Variants in NPHP4 observed in about 807,000 individuals in gnomAD.
NPHP4 encodes the protein nephrocystin-4.
Under a neutral mutation model 155.8 loss-of-function variants are expected in NPHP4, and 151 were observed. The observed-to-expected ratio is 0.97, with a 90% CI of 0.85 to 1.11. The LOEUF (loss-of-function observed/expected upper bound fraction) is 1.11, where lower values mean the gene tolerates loss of function less well. NPHP4 is among the 50% of genes least tolerant of loss of function. The pLI, the probability that NPHP4 is intolerant of heterozygous loss-of-function variation, is 0.00. For missense variants in NPHP4, 1,956 were observed against 1,925.7 expected (o/e 1.02, Z -0.29); for synonymous variants, 845 against 816.8 (o/e 1.03, Z -0.59).
intron 6 of NPHP4, among the ~76,000 whole-genome samples, chr1:5,954,000 T>C (rs977889852): frequency 4.6e-5 from 7 of 152,260 alleles, no homozygotes; most frequent in African/African-American, 1.7e-4. Context: ...TCCATGCTGA[T>C]GAAACTGCCG....
At chr1:5,936,708 C>G (rs576513247) in intron 9 of NPHP4, among the ~76,000 whole-genome samples, 1 of 152,236 alleles carries the variant, frequency 6.6e-6, no homozygotes, top group African/African-American at 2.4e-5. Flanking sequence ...GCATTTACCA[C>G]GCAAAGCCGC....
At position 5,969,049 on chromosome 1, in the gene NPHP4, G is replaced by A. The variant is rs149066772; in HGVS notation, c.452+38C>T. 2.9e-5 allele frequency: 39 copies of A among 1,333,748 alleles called. 1 individual carries two copies. In the Middle Eastern group the frequency reaches 8.0e-4, roughly 27 times the overall value. 82.6% of individuals were successfully genotyped at this position (1,333,748 alleles called of 1,614,324 possible). ...CTCAAAAAAAAAAAAAAAGACAGAC[G>A]CTGGAAAACCCCAGGGTTGTAGAAA... On this transcript the variant is annotated intron_variant, in intron 4 of 29. Transcript: ENST00000378156.
chr1:5,951,513 C>T (rs896274007), intron 7 of NPHP4, among the ~76,000 whole-genome samples: 1 of 152,228 alleles, frequency 6.6e-6, no homozygotes, highest in Non-Finnish European at 1.5e-5. Context: ...GACCCCTCTT[C>T]TCCCTACTCC....
intron 5 of NPHP4, 33 bp downstream of exon 5, chr1:5,967,266 G>A (rs777773884): frequency 2.6e-6 from 4 of 1,559,142 alleles, no homozygotes; most frequent in Non-Finnish European, 2.6e-6. Flanking sequence ...CACGAGAGCA[G>A]TGAGTGCTGC....
intron 10 of NPHP4, among the ~76,000 whole-genome samples, chr1:5,929,284 T>C (rs1216477360): frequency 6.6e-6 from 1 of 151,586 alleles, no homozygotes; most frequent in Non-Finnish European, 1.5e-5. Flanking sequence ...GTGTAGGTCT[T>C]TTGTTTTCTT....
intron 4 of NPHP4, among the ~76,000 whole-genome samples, chr1:5,968,529 A>C (rs1327305673): frequency 6.6e-6 from 1 of 151,854 alleles, no homozygotes; most frequent in African/African-American, 2.4e-5. Flanking sequence ...TTGAGGCTGG[A>C]GGCGGAGGTG....
chr1:5,933,020 A>T, intron 10 of NPHP4, 127 bp downstream of exon 10: 2 of 688,848 alleles, frequency 2.9e-6, no homozygotes, highest in South Asian at 2.2e-5. Context: ...CTAAAGGCAT[A>T]CCCATGACAT....
intron 19 of NPHP4, chr1:5,879,687 A>G (rs1455786334): frequency 4.0e-6 from 2 of 493,958 alleles, no homozygotes; most frequent in African/African-American, 3.9e-5. Flanking sequence ...GTGGGTCCAC[A>G]GGGGCATCTA....
At chr1:5,977,741 C>T (rs551046545) in intron 3 of NPHP4, among the ~76,000 whole-genome samples, 1 of 149,720 alleles carries the variant, frequency 6.7e-6, no homozygotes, top group South Asian at 2.2e-4. Flanking sequence ...GCCCATCCAC[C>T]TGCCGGTCTC....
intron 11 of NPHP4, among the ~76,000 whole-genome samples, chr1:5,922,303 GATA>G (rs1191721032): frequency 1.3e-5 from 2 of 152,222 alleles, no homozygotes; most frequent in Non-Finnish European, 2.9e-5. Flanking sequence ...AGAATTTTAG[GATA>G]ATAAGCTCCT....
At chr1:5,936,422 C>A (rs922957623) in intron 9 of NPHP4, among the ~76,000 whole-genome samples, 1 of 152,160 alleles carries the variant, frequency 6.6e-6, no homozygotes, top group Non-Finnish European at 1.5e-5. Context: ...GAGTCTAACA[C>A]GCTCCTACAG....
At chr1:5,919,911 T>A (rs1428365809) in intron 11 of NPHP4, among the ~76,000 whole-genome samples, 1 of 151,994 alleles carries the variant, frequency 6.6e-6, no homozygotes, top group Non-Finnish European at 1.5e-5. Flanking sequence ...AGCTACTGCA[T>A]GCATTTATTT....
intron 18 of NPHP4, chr1:5,886,859 A>C: frequency 6.2e-6 from 1 of 160,458 alleles, no homozygotes; most frequent in Non-Finnish European, 1.4e-5. Flanking sequence ...CTACAAAGTC[A>C]TGGTGCTGGG....
At chr1:5,897,664 A>G (rs1373520963) in intron 16 of NPHP4, among the ~76,000 whole-genome samples, 1 of 152,214 alleles carries the variant, frequency 6.6e-6, no homozygotes, top group Non-Finnish European at 1.5e-5. Flanking sequence ...AAAAGAATGC[A>G]GGCGACTACG....
chr1:5,863,065 T>C lies in NPHP4; in HGVS notation c.*200A>G. The C allele has an allele frequency of 1.6e-6, 1 of 610,834 alleles. No homozygotes were observed. The highest frequency in any genetic ancestry group is 1.9e-5 in the South Asian group (1 of 51,752). The allele number at this position is 610,834 out of a possible 1,614,324, so 37.8% of individuals were successfully genotyped here. On this transcript the variant is annotated 3_prime_UTR_variant, in exon 30 of 30. Transcript: ENST00000378156. ...GCTCACGGAACCCAGGCCTGCTGGG[T>C]GTCAGCAGCAGCTAAGCTGGATGCA...
At chr1:5,880,370 G>A (rs142108528) in intron 18 of NPHP4, 131 bp from the exon 19 acceptor site, 275 of 868,590 alleles carry the variant, frequency 3.2e-4, no homozygotes, top group Non-Finnish European at 4.5e-4. Context: ...AGGCCCCACC[G>A]CCTCTGTTTT....
At chr1:5,983,102 C>T (rs567616293) in intron 2 of NPHP4, among the ~76,000 whole-genome samples, 86 of 152,150 alleles carry the variant, frequency 5.7e-4, no homozygotes, top group Non-Finnish European at 1.1e-3. Flanking sequence ...AGGTGATTGA[C>T]GGTATTCTTC....
rs773309269 is a variant in NPHP4, at chr1:5,986,226, G to A, written c.64C>T (p.Arg22Cys). The part of the protein sequence containing the change: ...VLVPPHPQRA[R>C]QPWKESTAFQ... ...GCCGTGGATTCCTTCCAAGGCTGGCGCGCTCTCTGTGGGTGGGGAGGGACA... is the reference window on the plus strand; with the variant it reads ...GCCGTGGATTCCTTCCAAGGCTGGCACGCTCTCTGTGGGTGGGGAGGGACA... Residue 22 changes from arginine to cysteine, a missense_variant, in exon 2 of 30, where the codon CGC becomes TGC. Arg to Cys is a radical substitution (Grantham distance 180, BLOSUM62 -3). Coordinates refer to ENST00000378156, the MANE Select transcript of NPHP4 (RefSeq NM_015102.5). 5.0e-5 allele frequency: 81 copies of A among 1,613,788 alleles called. No individual in the cohort carries two copies. Among genetic ancestry groups the A allele is most frequent in the Middle Eastern group, 1.6e-4 (1 of 6,082 alleles).
At chr1:5,898,249 G>A (rs866151164) in intron 16 of NPHP4, among the ~76,000 whole-genome samples, 10 of 152,154 alleles carry the variant, frequency 6.6e-5, no homozygotes, top group South Asian at 2.1e-4. Flanking sequence ...GGACAGGAGC[G>A]AAGAAAACAA....
Sources: gnomAD v4.1 joint callset for allele counts (sites outside exome capture counted in the v4.1 genomes callset) on GRCh38, gnomAD v4.1.1 for gene constraint, MANE v1.5 for transcripts, NCBI Gene and HGNC (gene_info 2026-07-23, HGNC 2026-07-21) for gene names.